The following SEC23A variants were observed in gnomAD, a reference collection of about 807,000 sequenced individuals.
The protein encoded by SEC23A is SEC23 homolog A, COPII component.
SEC23A carries 56 observed loss-of-function variants against 103.7 expected under a neutral mutation model. The observed-to-expected ratio is 0.54, with a 90% CI of 0.44 to 0.67. The LOEUF (loss-of-function observed/expected upper bound fraction) is 0.67. Among genes scored for constraint, SEC23A ranks in the 30% least tolerant of loss-of-function variants. SEC23A has a pLI of 0.00. For missense variants in SEC23A, 784 were observed against 936.4 expected (o/e 0.84, Z 2.12); for synonymous variants, 281 against 293.0 (o/e 0.96, Z 0.42).
chr14:39,094,578 T>C (rs946781508), intron 2 of SEC23A, among the ~76,000 whole-genome samples: 3 of 151,530 alleles, frequency 2.0e-5, no homozygotes, highest in African/African-American at 7.3e-5. Context: ...TACTTTTACA[T>C]TGTAATAACA....
At chr14:39,094,424 ATATATATATATATATATATTTTTTT>A (rs1887804355) in intron 2 of SEC23A, among the ~76,000 whole-genome samples, 8 of 58,592 alleles carry the variant, frequency 1.4e-4, no homozygotes, top group South Asian at 1.1e-3. Context: ...ATATATATAT[ATATATATATATATATATATTTTTTT>A]TTTTTTTTTT....
intron 13 of SEC23A, among the ~76,000 whole-genome samples, chr14:39,055,774 C>G (rs953237179): frequency 6.6e-6 from 1 of 152,230 alleles, no homozygotes; most frequent in Admixed American, 6.5e-5. Context: ...ACCCTCCCAG[C>G]ACTCCCTCAA....
Position 39,042,857 on chromosome 14 carries a change from TA to T in SEC23A, c.1914del (p.Asp638GlufsTer20). ...ATACGATCTGCAAGAATGCTACTGC[TA>T]TCAAGAAGAACCGGCTAACGTAAAG... The part of the protein sequence containing the change: ...FSGPPEPVLL[D>X]SSSILADRIL... On this transcript the variant is annotated frameshift_variant, in exon 17 of 20. Coordinates refer to ENST00000307712, the MANE Select transcript of SEC23A (RefSeq NM_006364.4). LOFTEE classifies it high-confidence loss of function. 6.2e-7 allele frequency: 1 copy of T among 1,611,140 alleles called. No individual in the cohort carries two copies. The highest frequency in any genetic ancestry group is 1.1e-5 in the South Asian group (1 of 91,002).
At position 39,086,926 on chromosome 14, in the gene SEC23A, T is replaced by C; in HGVS notation, c.683+3A>G. The C allele has an allele frequency of 6.4e-7, 1 of 1,555,088 alleles. No individual in the cohort carries two copies. The highest frequency in any genetic ancestry group is 8.9e-7 in the Non-Finnish European group (1 of 1,126,136). ...GTCAAATTCTCTTCATCATATTTAT[T>C]ACCTGTTGGAAGGAGGTGGCTGCTG... On this transcript the variant is annotated splice_donor_region_variant and intron_variant, in intron 6 of 19. Coordinates refer to ENST00000307712, the MANE Select transcript of SEC23A (RefSeq NM_006364.4).
Position 39,091,595 on chromosome 14 carries a change from G to C in SEC23A, c.485C>G (p.Ala162Gly), listed in dbSNP as rs989358928. The C allele has an allele frequency of 2.9e-5, 47 of 1,613,762 alleles. No homozygotes were observed. In the Admixed American group the frequency reaches 7.8e-4, roughly 27 times the overall value. ...CCCAAAAGTAATAAGTCCAACCAAAGCTGTAGGTGGTAAAAGACTTAATGA... is the reference window on the plus strand; with the variant it reads ...CCCAAAAGTAATAAGTCCAACCAAACCTGTAGGTGGTAAAAGACTTAATGA... ...QMSLSLLPPT[A>G]LVGLITFGRM... The change falls in exon 5 of 20, where the codon GCT becomes GGT. Residue 162 changes from alanine (A) to glycine (G), a missense_variant. By Grantham distance (60) the Ala-to-Gly change is moderately conservative. Transcript: ENST00000307712.
At chr14:39,091,396 C>T (rs1306350877) in intron 5 of SEC23A, 81 bp downstream of exon 5, 13 of 995,660 alleles carry the variant, frequency 1.3e-5, no homozygotes, top group Non-Finnish European at 2.0e-5. Context: ...AAAAATTTGT[C>T]CTAGAAACAT....
Position 39,045,070 on chromosome 14 carries a change from T to G in SEC23A, c.1899+93A>C, listed in dbSNP as rs77051476. 0.061 allele frequency: 63,038 copies of G among 1,036,366 alleles called. 2,244 individuals carry two copies. The highest frequency in any genetic ancestry group is 0.078 in the Middle Eastern group (392 of 4,996). 64.2% of individuals were successfully genotyped at this position (1,036,366 alleles called of 1,614,324 possible). ...ATTCTTTTAGTTAAATTCTTATATT[T>G]AGTAACTATATGCATTTTTTTAGTT... On this transcript the variant is annotated intron_variant, in intron 16 of 19. Transcript: ENST00000307712.
chr14:39,042,642 G>A (rs1885685447), intron 17 of SEC23A, 144 bp downstream of exon 17: 6 of 620,026 alleles, frequency 9.7e-6, no homozygotes, highest in Non-Finnish European at 1.7e-5. Flanking sequence ...CCTTATAGTA[G>A]GCAGCATCAT....
intron 13 of SEC23A, among the ~76,000 whole-genome samples, chr14:39,060,438 C>A (rs1886437278): frequency 6.6e-6 from 1 of 152,160 alleles, no homozygotes; most frequent in Non-Finnish European, 1.5e-5. Context: ...TTTAAGTACA[C>A]TTAATGAAAA....
chr14:39,096,395 T>C (rs899793632), intron 1 of SEC23A, among the ~76,000 whole-genome samples: 4 of 151,986 alleles, frequency 2.6e-5, no homozygotes, highest in Non-Finnish European at 5.9e-5. Context: ...CCAGGCATGG[T>C]GGCGTATGCC....
rs1491476144 is a variant in SEC23A, at chr14:39,094,443, T to TA, written c.222-1200_222-1199insT. ...ATATATATATATATATATATATATA[T>TA]TTTTTTTTTTTTTTTTTCCCCTCCT... is the stretch of plus-strand genomic sequence containing the variant. On this transcript the variant is annotated intron_variant, in intron 2 of 19. Transcript: ENST00000307712. Among the ~76,000 whole-genome samples, 10 of 10,796 alleles carry TA rather than the reference T, an allele frequency of 9.3e-4. 1 individual carries two copies. Among genetic ancestry groups the TA allele is most frequent in the African/African-American group, 3.7e-3 (3 of 820 alleles). The allele number at this position is 10,796 out of a possible 152,430, so 7.1% of individuals were successfully genotyped here.
At chr14:39,075,304 T>G (rs1176224259) in intron 8 of SEC23A, among the ~76,000 whole-genome samples, 3 of 152,204 alleles carry the variant, frequency 2.0e-5, no homozygotes, top group African/African-American at 7.2e-5. Flanking sequence ...GCACCAACAG[T>G]GGCAAAAATT....
At chr14:39,045,450 C>G in intron 15 of SEC23A, 126 bp from the exon 16 acceptor site, 1 of 622,902 alleles carries the variant, frequency 1.6e-6, no homozygotes, top group Non-Finnish European at 2.7e-6. Context: ...TAAGAATGTT[C>G]TAATTTATAT....
rs1436090521 is a variant in SEC23A at position 39,094,448 on chromosome 14, T to A, written c.222-1204A>T. ...TATATATATATATATATATATTTTTTTTTTTTTTTTTTCCCCTCCTGTAGA... is the reference window on the plus strand; with the variant it reads ...TATATATATATATATATATATTTTTATTTTTTTTTTTTCCCCTCCTGTAGA... On this transcript the variant is annotated intron_variant, in intron 2 of 19. Coordinates refer to ENST00000307712, the MANE Select transcript of SEC23A (RefSeq NM_006364.4). Among the ~76,000 whole-genome samples the A allele has an allele frequency of 9.8e-4, 57 of 57,942 alleles. 10 individuals carry two copies. Among genetic ancestry groups the A allele is most frequent in the South Asian group, 4.6e-3 (9 of 1,958 alleles). The allele number at this position is 57,942 out of a possible 152,430, so 38.0% of individuals were successfully genotyped here.
At chr14:39,036,134 C>A (rs528227219) in intron 19 of SEC23A, among the ~76,000 whole-genome samples, 112 of 151,924 alleles carry the variant, frequency 7.4e-4, no homozygotes, top group Admixed American at 1.5e-3. Context: ...TCCTGGCCAA[C>A]ATGGTGAAAC....
chr14:39,097,247 G>A (rs1339688676), intron 1 of SEC23A, among the ~76,000 whole-genome samples: 1 of 152,118 alleles, frequency 6.6e-6, no homozygotes, highest in Non-Finnish European at 1.5e-5. Context: ...TTCCTACGTA[G>A]GCAACAGCTC....
At chr14:39,043,787 G>C (rs897675599) in intron 16 of SEC23A, among the ~76,000 whole-genome samples, 2 of 152,220 alleles carry the variant, frequency 1.3e-5, no homozygotes, top group African/African-American at 4.8e-5. Context: ...CAAGGGCTGA[G>C]TACTAGTGAA....
rs556736533 is a variant in SEC23A at position 39,100,539 on chromosome 14, A to C, written c.-22+2493T>G. On this transcript the variant is annotated intron_variant, in intron 1 of 19. Coordinates refer to ENST00000307712, the MANE Select transcript of SEC23A (RefSeq NM_006364.4). ...GCAATTCTCCCGCCTCAGCCTCCTGAGTAGCTGGGATTACGGGCATAAGCC... is the reference window on the plus strand; with the variant it reads ...GCAATTCTCCCGCCTCAGCCTCCTGCGTAGCTGGGATTACGGGCATAAGCC... 1.7e-4 allele frequency among the ~76,000 whole-genome samples: 26 copies of C among 151,620 alleles called. No individual in the cohort carries two copies. In the East Asian group the frequency reaches 4.3e-3, roughly 25 times the overall value.
At chr14:39,040,579 A>G (rs1373174817) in intron 18 of SEC23A, 153 bp downstream of exon 18, 9 of 906,672 alleles carry the variant, frequency 9.9e-6, no homozygotes, top group African/African-American at 1.6e-5. Flanking sequence ...CTCAAAAGCT[A>G]ATGCAAAAAG....
Sources: gnomAD v4.1 joint callset for allele counts (sites outside exome capture counted in the v4.1 genomes callset) on GRCh38, gnomAD v4.1.1 for gene constraint, MANE v1.5 for transcripts, NCBI Gene and HGNC (gene_info 2026-07-23, HGNC 2026-07-21) for gene names.